GALNT18: variants seen among roughly 807,000 people sequenced by gnomAD.
The protein encoded by GALNT18 is GalNAc-transferase 18.
Under a neutral mutation model 69.5 loss-of-function variants are expected in GALNT18, and 44 were observed. That is an observed-to-expected ratio of 0.63 (90% CI 0.50 to 0.81). The LOEUF is 0.81. Ranked by LOEUF, GALNT18 falls within the 40% of genes least tolerant of loss-of-function variation. The probability of loss-of-function intolerance (pLI) is 0.00; values close to 1 mark genes in which losing one functional copy is unlikely to be tolerated. For missense variants in GALNT18, 715 were observed against 810.0 expected (o/e 0.88, Z 1.42); for synonymous variants, 364 against 318.2 (o/e 1.14, Z -1.53).
chr11:11,412,880 G>A lies in GALNT18; in HGVS notation c.595+19741C>T, dbSNP rs140762374. Among the ~76,000 whole-genome samples the A allele has an allele frequency of 2.7e-4, 41 of 152,250 alleles. No homozygotes were observed. In the East Asian group the frequency reaches 6.4e-3, roughly 24 times the overall value. On this transcript the variant is annotated intron_variant, in intron 3 of 10. Coordinates refer to ENST00000227756, the MANE Select transcript of GALNT18 (RefSeq NM_198516.3). Reference sequence around the variant, plus strand: ...GCTGCTCTGCCCCAGCATGTGGAAGGCTGAAGTGCTAGAAATTAACACCCC... The same window carrying A: ...GCTGCTCTGCCCCAGCATGTGGAAGACTGAAGTGCTAGAAATTAACACCCC...
intron 1 of GALNT18, among the ~76,000 whole-genome samples, chr11:11,578,642 C>T (rs563282918): frequency 1.3e-5 from 2 of 152,210 alleles, no homozygotes; most frequent in African/African-American, 2.4e-5. Context: ...ATAAGAGACC[C>T]CACCTCCCGG....
rs896248222 is a variant in GALNT18, at chr11:11,382,817, G to A, written c.596-3553C>T. Among the ~76,000 whole-genome samples the A allele has an allele frequency of 6.6e-6, 1 of 151,966 alleles. No homozygotes were observed. The highest frequency in any genetic ancestry group is 2.4e-5 in the African/African-American group (1 of 41,334). ...TTTAATAAAGTGTCTTGGTGGGTTA[G>A]GACAGTAGTATAATTGTGGAAGGAA... On this transcript the variant is annotated intron_variant, in intron 3 of 10. Transcript: ENST00000227756. This position sits in a 1 kb window ranked among gnomAD's most constrained non-coding sequence, Gnocchi z 4.3.
chr11:11,463,939 C>A lies in GALNT18; in HGVS notation c.236-15003G>T, dbSNP rs913662501. On this transcript the variant is annotated intron_variant, in intron 1 of 10. Transcript: ENST00000227756. The surrounding 1 kb of genome is among the most constrained non-coding windows in gnomAD (Gnocchi z 4.2). Reference sequence around the variant, plus strand: ...TGAAAGGGGGAAAAATTAGTCCTTTCCATCTGGCAAATTCTTAATTTACCA... The same window carrying A: ...TGAAAGGGGGAAAAATTAGTCCTTTACATCTGGCAAATTCTTAATTTACCA... Among the ~76,000 whole-genome samples, 2 of 152,198 alleles carry A rather than the reference C, an allele frequency of 1.3e-5. No homozygotes were observed. The highest frequency in any genetic ancestry group is 2.9e-5 in the Non-Finnish European group (2 of 68,048).
chr11:11,473,636 G>A (rs1856322472), intron 1 of GALNT18, among the ~76,000 whole-genome samples: 1 of 151,424 alleles, frequency 6.6e-6, no homozygotes, highest in Non-Finnish European at 1.5e-5. Context: ...CAGCAGGGCT[G>A]TCTTTTTTGC....
rs1039391612 is a variant in GALNT18, at chr11:11,595,363, A to C, written c.235+25996T>G. 2.0e-5 allele frequency among the ~76,000 whole-genome samples: 3 copies of C among 152,188 alleles called. No homozygotes were observed. Among genetic ancestry groups the C allele is most frequent in the Admixed American group, 6.5e-5 (1 of 15,280 alleles). ...ACACAGCAAGAAGTCAGGAGGCTGC[A>C]ACCCAGAAGAGAGACTTCACCAGAC... On this transcript the variant is annotated intron_variant, in intron 1 of 10. Transcript: ENST00000227756. This position sits in a 1 kb window ranked among gnomAD's most constrained non-coding sequence, Gnocchi z 5.2.
intron 1 of GALNT18, among the ~76,000 whole-genome samples, chr11:11,526,357 T>C (rs1857524653): frequency 6.6e-6 from 1 of 152,174 alleles, no homozygotes; most frequent in Non-Finnish European, 1.5e-5. Context: ...TCATAGACTC[T>C]TACAAGTAGA....
intron 1 of GALNT18, among the ~76,000 whole-genome samples, chr11:11,534,579 T>C (rs1030382489): frequency 6.6e-6 from 1 of 152,216 alleles, no homozygotes; most frequent in Non-Finnish European, 1.5e-5. Flanking sequence ...GCTACAGACA[T>C]ACACACTGAG....
At chr11:11,271,496 C>G (rs1329358518) in intron 10 of GALNT18, among the ~76,000 whole-genome samples, 1 of 149,350 alleles carries the variant, frequency 6.7e-6, no homozygotes, top group Admixed American at 6.8e-5. Flanking sequence ...CAGCTGTCTT[C>G]ACAGAGCCCT....
intron 10 of GALNT18, among the ~76,000 whole-genome samples, chr11:11,279,986 C>T (rs539571293): frequency 1.6e-4 from 24 of 152,114 alleles, no homozygotes; most frequent in Non-Finnish European, 2.2e-4. Flanking sequence ...GCAGGGGGTG[C>T]GGGTGGAGGG....
At chr11:11,381,750 T>C (rs1272364252) in intron 3 of GALNT18, among the ~76,000 whole-genome samples, 1 of 152,134 alleles carries the variant, frequency 6.6e-6, no homozygotes, top group Non-Finnish European at 1.5e-5. Flanking sequence ...CCCTCGTGGA[T>C]CCTTCAGCCC....
In GALNT18 at chr11:11,309,303, G is replaced by C. The variant is rs1383846366; in HGVS notation, c.1513-16110C>G. The stretch of plus-strand genomic sequence containing the variant: ...ATTTCTCTTCATTATAAATTTCTCA[G>C]CCTCAGGTTATAGCAACACAAAATG... On this transcript the variant is annotated intron_variant, in intron 9 of 10. Coordinates refer to ENST00000227756, the MANE Select transcript of GALNT18 (RefSeq NM_198516.3). The surrounding 1 kb of genome is among the most constrained non-coding windows in gnomAD (Gnocchi z 4.6). Among the ~76,000 whole-genome samples, 2 of 152,044 alleles carry C rather than the reference G, an allele frequency of 1.3e-5. No individual in the cohort carries two copies. The highest frequency in any genetic ancestry group is 3.9e-4 in the East Asian group (2 of 5,188).
rs774695210 is a variant in GALNT18, at chr11:11,271,202, T to C, written c.1766A>G (p.Gln589Arg). The stretch of plus-strand genomic sequence containing the variant: ...GCTCCAGTGCTGGCCCGAGCACTTC[T>C]GCAACACCAGCTGGAAGCCGAACTC... ...DLEFGFQLVL[Q>R]KCSGQHWSIT... The change falls in exon 11 of 11, where the codon CAG becomes CGG. Residue 589 changes from glutamine (Q) to arginine (R), a missense_variant. Coordinates refer to ENST00000227756, the MANE Select transcript of GALNT18 (RefSeq NM_198516.3). 16 of 1,614,014 alleles carry C rather than the reference T, an allele frequency of 9.9e-6. No individual in the cohort carries two copies. The East Asian group carries it at 2.9e-4, about 29-fold the overall frequency.
chr11:11,448,633 G>T, intron 2 of GALNT18, 111 bp downstream of exon 2: 1 of 665,722 alleles, frequency 1.5e-6, no homozygotes, highest in Non-Finnish European at 2.3e-6. Flanking sequence ...GGCTGAAGCA[G>T]GAAAGGGACC....
In GALNT18 at chr11:11,542,442, G is replaced by T. The variant is rs1857950377; in HGVS notation, c.235+78917C>A. Among the ~76,000 whole-genome samples, 1 of 152,144 alleles carries T rather than the reference G, an allele frequency of 6.6e-6. No individual in the cohort carries two copies. The highest frequency in any genetic ancestry group is 2.4e-5 in the African/African-American group (1 of 41,426). On this transcript the variant is annotated intron_variant, in intron 1 of 10. Transcript: ENST00000227756. This position sits in a 1 kb window ranked among gnomAD's most constrained non-coding sequence, Gnocchi z 4.3. ...CCCTGTACCACCCATTCCAGCAAAG[G>T]CCACAGTGCTGGCACATGCAATTCT...
chr11:11,485,464 TGCATGGTGTAAG>T (rs1387342115), intron 1 of GALNT18, among the ~76,000 whole-genome samples: 7 of 152,192 alleles, frequency 4.6e-5, no homozygotes, highest in Non-Finnish European at 7.3e-5. Context: ...ATGGAAGAAA[TGCATGGTGTAAG>T]GCATGGCAGA....
intron 3 of GALNT18, among the ~76,000 whole-genome samples, chr11:11,401,119 A>G (rs1374150164): frequency 6.6e-6 from 1 of 152,140 alleles, no homozygotes; most frequent in Admixed American, 6.5e-5. Flanking sequence ...GAGTCTCTCA[A>G]AGGGTCTCCA....
Position 11,341,983 on chromosome 11 carries a change from A to G in GALNT18, c.1093-979T>C, listed in dbSNP as rs1299435220. Reference sequence around the variant, plus strand: ...AAACATTAAAATTTTTTTTTTTTTAAAAAGACCTTGACTATATGGCCCCAA... The same window carrying G: ...AAACATTAAAATTTTTTTTTTTTTAGAAAGACCTTGACTATATGGCCCCAA... On this transcript the variant is annotated intron_variant, in intron 6 of 10. Coordinates refer to ENST00000227756, the MANE Select transcript of GALNT18 (RefSeq NM_198516.3). This position sits in a 1 kb window ranked among gnomAD's most constrained non-coding sequence, Gnocchi z 6.3. Among the ~76,000 whole-genome samples the G allele has an allele frequency of 6.6e-6, 1 of 151,634 alleles. No homozygotes were observed. Among genetic ancestry groups the G allele is most frequent in the Non-Finnish European group, 1.5e-5 (1 of 67,918 alleles).
chr11:11,457,463 G>T lies in GALNT18; in HGVS notation c.236-8527C>A, dbSNP rs963115209. On this transcript the variant is annotated intron_variant, in intron 1 of 10. Coordinates refer to ENST00000227756, the MANE Select transcript of GALNT18 (RefSeq NM_198516.3). The stretch of plus-strand genomic sequence containing the variant: ...AGGCAAGAATCTAGCACTCATATCT[G>T]CTCCTTGGATTGGAGGACAAGGGAA... 1.1e-3 allele frequency among the ~76,000 whole-genome samples: 160 copies of T among 152,342 alleles called. 1 individual carries two copies. Among genetic ancestry groups the T allele is most frequent in the African/African-American group, 3.8e-3 (157 of 41,578 alleles).
intron 1 of GALNT18, among the ~76,000 whole-genome samples, chr11:11,472,881 A>G (rs1330366715): frequency 1.3e-5 from 2 of 152,030 alleles, no homozygotes; most frequent in East Asian, 3.9e-4. Context: ...AGTCCCAGCT[A>G]CTCAGGAGGC....
Sources: gnomAD v4.1 joint callset for allele counts (sites outside exome capture counted in the v4.1 genomes callset) on GRCh38, gnomAD v4.1.1 for gene constraint, Gnocchi (gnomAD v3.1) non-coding constraint, MANE v1.5 for transcripts, NCBI Gene and HGNC (gene_info 2026-07-23, HGNC 2026-07-21) for gene names.